The following SLC2A13 variants were observed in gnomAD, a reference collection of about 807,000 sequenced individuals.
The protein encoded by SLC2A13 is solute carrier family 2 member 13.
In SLC2A13, 32 loss-of-function variants were observed where a neutral mutation model predicts 64.4. The ratio of observed to expected loss-of-function variants is 0.50; its 90% confidence interval spans 0.37 to 0.67. The LOEUF is 0.67. SLC2A13 is among the 30% of genes least tolerant of loss of function. The pLI is 0.00. For synonymous variants in SLC2A13, 338 were observed against 327.1 expected (o/e 1.03, Z -0.36); for missense variants, 743 against 829.2 (o/e 0.90, Z 1.28).
chr12:39,772,363 TAGAA>T (rs988266181), intron 7 of SLC2A13, among the ~76,000 whole-genome samples: 10 of 152,168 alleles, frequency 6.6e-5, no homozygotes, highest in Admixed American at 2.6e-4. Context: ...GCTTGGCACA[TAGAA>T]AGCAATTTAT....
chr12:40,058,090 T>TAGATAGAC (rs1382406396), intron 1 of SLC2A13, among the ~76,000 whole-genome samples: 2 of 150,598 alleles, frequency 1.3e-5, no homozygotes, highest in Non-Finnish European at 3.0e-5. Context: ...GATAGATAGA[T>TAGATAGAC]TGATTTACTA....
intron 3 of SLC2A13, among the ~76,000 whole-genome samples, chr12:39,976,419 CAA>C (rs1473159763): frequency 6.6e-6 from 1 of 152,152 alleles, no homozygotes. Flanking sequence ...GAGTTGCAAA[CAA>C]GAGAGATATA....
chr12:39,986,750 A>T lies in SLC2A13; in HGVS notation c.926-35385T>A, dbSNP rs28370743. On this transcript the variant is annotated intron_variant, in intron 3 of 9. Coordinates refer to ENST00000280871, the MANE Select transcript of SLC2A13 (RefSeq NM_052885.4). ...ATGGACAGAAATCAGTCTGTAGACC[A>T]CACTGATCAAACCGACCAATTTCAA... Among the ~76,000 whole-genome samples, 1,486 of 151,808 alleles carry T rather than the reference A, an allele frequency of 9.8e-3. 18 individuals carry two copies. The highest frequency in any genetic ancestry group is 0.034 in the African/African-American group (1,412 of 41,390).
At chr12:40,046,910 T>C (rs1308200300) in intron 2 of SLC2A13, among the ~76,000 whole-genome samples, 1 of 151,822 alleles carries the variant, frequency 6.6e-6, no homozygotes, top group African/African-American at 2.4e-5. Context: ...TTCTTTCTTT[T>C]TTTTTTTTTG....
chr12:39,816,139 T>A (rs1942332876), intron 7 of SLC2A13, among the ~76,000 whole-genome samples: 1 of 152,202 alleles, frequency 6.6e-6, no homozygotes, highest in Non-Finnish European at 1.5e-5. Flanking sequence ...TGCCTATTCC[T>A]TTTTAAGTTT....
chr12:40,084,281 T>C (rs970153140), intron 1 of SLC2A13, among the ~76,000 whole-genome samples: 7 of 152,260 alleles, frequency 4.6e-5, no homozygotes, highest in Admixed American at 3.9e-4. Flanking sequence ...AGTACTTACC[T>C]GTGTGTTCTA....
At chr12:40,017,309 A>G (rs1947636496) in intron 3 of SLC2A13, among the ~76,000 whole-genome samples, 4 of 152,200 alleles carry the variant, frequency 2.6e-5, no homozygotes, top group Admixed American at 2.6e-4. Flanking sequence ...GACATATCAC[A>G]AAGGTTTCCA....
chr12:40,072,166 T>C (rs545890430), intron 1 of SLC2A13, among the ~76,000 whole-genome samples: 1 of 152,262 alleles, frequency 6.6e-6, no homozygotes, highest in East Asian at 1.9e-4. Context: ...ACTCATGTTA[T>C]TTAGAAGTGT....
intron 3 of SLC2A13, among the ~76,000 whole-genome samples, chr12:39,975,684 GATTT>G (rs1329816511): frequency 2.6e-5 from 4 of 152,186 alleles, no homozygotes; most frequent in African/African-American, 9.6e-5. Flanking sequence ...TCTGGAGGAA[GATTT>G]ATTTATTTGA....
At chr12:39,956,999 A>C (rs1382671412) in intron 3 of SLC2A13, among the ~76,000 whole-genome samples, 1 of 152,158 alleles carries the variant, frequency 6.6e-6, no homozygotes, top group African/African-American at 2.4e-5. Context: ...ACAATCAAGC[A>C]CAGCAAGATC....
Position 40,105,830 on chromosome 12 carries a change from C to A in SLC2A13, c.-22G>T. ...ACATAGGGCAGGGGCCCGGGGCTGC[C>A]CGGGGGGACGCGGCTCCGCGGGCCG... is the stretch of plus-strand genomic sequence containing the variant. On this transcript the variant is annotated 5_prime_UTR_variant, in exon 1 of 10. Transcript: ENST00000280871. The surrounding 1 kb of genome is among the most constrained non-coding windows in gnomAD (Gnocchi z 4.2). 7.1e-7 allele frequency: 1 copy of A among 1,398,844 alleles called. No individual in the cohort carries two copies. The highest frequency in any genetic ancestry group is 9.3e-7 in the Non-Finnish European group (1 of 1,076,870). The allele number at this position is 1,398,844 out of a possible 1,614,324, so 86.7% of individuals were successfully genotyped here.
At chr12:39,968,552 A>G (rs1206703353) in intron 3 of SLC2A13, among the ~76,000 whole-genome samples, 1 of 151,848 alleles carries the variant, frequency 6.6e-6, no homozygotes, top group African/African-American at 2.4e-5. Context: ...TATGTTGAAC[A>G]TGTCAGGTCT....
intron 7 of SLC2A13, among the ~76,000 whole-genome samples, chr12:39,808,412 T>C (rs1375046822): frequency 2.0e-5 from 3 of 152,184 alleles, no homozygotes; most frequent in African/African-American, 7.2e-5. Context: ...TATAAACGAC[T>C]GTGTAGAAAC....
intron 4 of SLC2A13, among the ~76,000 whole-genome samples, chr12:39,896,029 T>A (rs1179644970): frequency 7.6e-6 from 1 of 130,972 alleles, no homozygotes; most frequent in Non-Finnish European, 1.6e-5. Context: ...TATACATACA[T>A]GCATATGTTT....
intron 1 of SLC2A13, among the ~76,000 whole-genome samples, chr12:40,096,747 A>T (rs965292724): frequency 4.6e-5 from 7 of 151,862 alleles, no homozygotes; most frequent in African/African-American, 1.4e-4. Context: ...CCTATACATT[A>T]TATATATATT....
intron 1 of SLC2A13, among the ~76,000 whole-genome samples, chr12:40,072,767 G>C (rs1007391565): frequency 2.6e-5 from 4 of 152,040 alleles, no homozygotes; most frequent in African/African-American, 9.7e-5. Flanking sequence ...TATTTAAAGA[G>C]TTTCATATAG....
At chr12:39,840,627 T>G (rs1943156014) in intron 6 of SLC2A13, among the ~76,000 whole-genome samples, 1 of 152,014 alleles carries the variant, frequency 6.6e-6, no homozygotes, top group Non-Finnish European at 1.5e-5. Context: ...TATACTTCCT[T>G]TGCTTCAAGA....
intron 3 of SLC2A13, among the ~76,000 whole-genome samples, chr12:40,026,338 C>A (rs1947805880): frequency 6.6e-6 from 1 of 152,126 alleles, no homozygotes; most frequent in Non-Finnish European, 1.5e-5. Context: ...GAATGTAAAA[C>A]AAAACTGGGG....
intron 1 of SLC2A13, among the ~76,000 whole-genome samples, chr12:40,064,268 A>C (rs1357451490): frequency 6.6e-6 from 1 of 152,012 alleles, no homozygotes; most frequent in Non-Finnish European, 1.5e-5. Flanking sequence ...ATATTATATT[A>C]TGTGTATTGT....
Sources: gnomAD v4.1 joint callset for allele counts (sites outside exome capture counted in the v4.1 genomes callset) on GRCh38, gnomAD v4.1.1 for gene constraint, Gnocchi (gnomAD v3.1) non-coding constraint, MANE v1.5 for transcripts, NCBI Gene and HGNC (gene_info 2026-07-23, HGNC 2026-07-21) for gene names.